The following RIMS3 variants were observed in gnomAD, a reference collection of about 807,000 sequenced individuals.
RIMS3 encodes regulating synaptic membrane exocytosis 3, also known as regulating synaptic membrane exocytosis protein 3.
In RIMS3, 15 loss-of-function variants were observed where a neutral mutation model predicts 29.2. The observed-to-expected ratio is 0.51, with a 90% CI of 0.34 to 0.79. RIMS3 has a LOEUF of 0.79. Among genes scored for constraint, RIMS3 ranks in the 30% least tolerant of loss-of-function variants. The pLI is 0.01. For missense variants in RIMS3, 342 were observed against 421.4 expected (o/e 0.81, Z 1.65); for synonymous variants, 161 against 170.1 (o/e 0.95, Z 0.41).
At chr1:40,633,305 C>A in intron 4 of RIMS3, 124 bp from the exon 5 acceptor site, 1 of 669,360 alleles carries the variant, frequency 1.5e-6, no homozygotes, top group Non-Finnish European at 2.7e-6. Flanking sequence ...CTCAGTTTCT[C>A]CTCTAAACAG....
intron 1 of RIMS3, among the ~76,000 whole-genome samples, chr1:40,649,531 A>G (rs1646617455): frequency 6.6e-6 from 1 of 152,214 alleles, no homozygotes; most frequent in Admixed American, 6.5e-5. Context: ...TCCCTTGGCT[A>G]AGGCACACAC....
Position 40,626,168 on chromosome 1 carries a change from C to A in RIMS3, c.*349G>T. On this transcript the variant is annotated 3_prime_UTR_variant, in exon 8 of 8. Coordinates refer to ENST00000372684, the MANE Select transcript of RIMS3 (RefSeq NM_014747.3). ...ACCGACCAGTGGCCGCATGCCCCAC[C>A]TCCATCCCTGGAGACTCCTCAGGGT... 5.4e-6 allele frequency: 2 copies of A among 367,978 alleles called. No individual in the cohort carries two copies. Among genetic ancestry groups the A allele is most frequent in the South Asian group, 5.0e-5 (2 of 40,246 alleles). The allele number at this position is 367,978 out of a possible 1,614,324, so 22.8% of individuals were successfully genotyped here.
At chr1:40,682,741 C>CTTTTTTTTTTTTTTTTTTTTTGTTT in the RIMS3 span, among the ~76,000 whole-genome samples, 1 of 77,514 alleles carries the variant, frequency 1.3e-5, no homozygotes, top group Non-Finnish European at 2.5e-5. Context: ...CTTTGCAGAT[C>CTTTTTTTTTTTTTTTTTTTTTGTTT]TTTTTTTTTT....
intron 1 of RIMS3, among the ~76,000 whole-genome samples, chr1:40,652,212 G>A (rs567401442): frequency 4.5e-4 from 69 of 152,284 alleles, no homozygotes; most frequent in Admixed American, 3.1e-3. Flanking sequence ...CCTGGCCAAA[G>A]GTGACTCCCC....
chr1:40,682,690 T>C, the RIMS3 span, among the ~76,000 whole-genome samples: 2 of 150,472 alleles, frequency 1.3e-5, no homozygotes, highest in East Asian at 3.9e-4. Flanking sequence ...CTTAATTCAC[T>C]CATAGTCCCT....
In RIMS3 at chr1:40,625,299, C is replaced by A. The variant is rs534743675; in HGVS notation, c.*1218G>T. On this transcript the variant is annotated 3_prime_UTR_variant, in exon 8 of 8. Transcript: ENST00000372684. ...TGGGGCACAGGAAAGCAGGGAAGCC[C>A]GGAGGGGTAAGTATTGCTTAGACAG... 1 of 152,948 alleles carries A rather than the reference C, an allele frequency of 6.5e-6. No homozygotes were observed. Among genetic ancestry groups the A allele is most frequent in the African/African-American group, 2.4e-5 (1 of 41,528 alleles). 9.5% of individuals were successfully genotyped at this position (152,948 alleles called of 1,614,324 possible).
At chr1:40,680,113 TAGTG>T in the RIMS3 span, among the ~76,000 whole-genome samples, 46 of 151,752 alleles carry the variant, frequency 3.0e-4, no homozygotes, top group South Asian at 6.3e-4. Flanking sequence ...CTGGGCAACA[TAGTG>T]AGACCCTGTC....
chr1:40,689,528 C>T, the RIMS3 span, among the ~76,000 whole-genome samples: 4 of 152,154 alleles, frequency 2.6e-5, no homozygotes, highest in Non-Finnish European at 4.4e-5. Context: ...CATCCACCCA[C>T]CTCGGCCTCC....
the RIMS3 span, among the ~76,000 whole-genome samples, chr1:40,679,345 T>C: frequency 3.9e-5 from 6 of 152,340 alleles, no homozygotes; most frequent in Non-Finnish European, 8.8e-5. Flanking sequence ...TGACCAAATA[T>C]GACAGGAAGC....
In RIMS3 at chr1:40,623,238, G is replaced by A; in HGVS notation, c.*3279C>T. The A allele has an allele frequency of 2.5e-6, 1 of 395,790 alleles. No individual in the cohort carries two copies. 24.5% of individuals were successfully genotyped at this position (395,790 alleles called of 1,614,324 possible). The stretch of plus-strand genomic sequence containing the variant: ...TTCCTAGTAGAATTGGGTGGTAGAA[G>A]AAACCAGATGGGGAGTCATTTTGGA... On this transcript the variant is annotated 3_prime_UTR_variant, in exon 8 of 8. Coordinates refer to ENST00000372684, the MANE Select transcript of RIMS3 (RefSeq NM_014747.3).
Position 40,633,175 on chromosome 1 carries a change from G to T in RIMS3, c.366C>A (p.Ile122=). The change falls in exon 5 of 8, where the codon ATC becomes ATA. Residue 122 remains isoleucine, a synonymous_variant. Coordinates refer to ENST00000372684, the MANE Select transcript of RIMS3 (RefSeq NM_014747.3). The part of the protein sequence containing the change: ...TNSNSSDGTF[I]FPTTRLGAES... ...CAGCCCCTAGCCGGGTAGTGGGGAA[G>T]ATGAACCTGCAGGAGGAGGCAGAGG... The T allele has an allele frequency of 6.2e-7, 1 of 1,613,872 alleles. No individual in the cohort carries two copies. The highest frequency in any genetic ancestry group is 1.1e-5 in the South Asian group (1 of 91,068).
At chr1:40,678,801 G>T in the RIMS3 span, among the ~76,000 whole-genome samples, 3 of 152,236 alleles carry the variant, frequency 2.0e-5, no homozygotes, top group Admixed American at 2.0e-4. Context: ...TGGGAAGTTA[G>T]TAATTGCAGT....
At chr1:40,687,963 G>C in the RIMS3 span, among the ~76,000 whole-genome samples, 1 of 151,992 alleles carries the variant, frequency 6.6e-6, no homozygotes, top group Non-Finnish European at 1.5e-5. Flanking sequence ...ATATCTTTTA[G>C]TGCCGCTTTT....
Position 40,626,383 on chromosome 1 carries a change from G to T in RIMS3, c.*134C>A. On this transcript the variant is annotated 3_prime_UTR_variant, in exon 8 of 8. Transcript: ENST00000372684. The stretch of plus-strand genomic sequence containing the variant: ...ACACTACAGTCTCCACTGCCAGCTG[G>T]GATGAGCCCAGTAGCCAACAGGCAT... 1.2e-6 allele frequency: 1 copy of T among 817,478 alleles called. No homozygotes were observed. Among genetic ancestry groups the T allele is most frequent in the Non-Finnish European group, 2.0e-6 (1 of 492,430 alleles). The allele number at this position is 817,478 out of a possible 1,614,324, so 50.6% of individuals were successfully genotyped here.
intron 2 of RIMS3, 77 bp from the exon 3 acceptor site, chr1:40,642,033 G>T: frequency 1.1e-6 from 1 of 895,770 alleles, no homozygotes; most frequent in Non-Finnish European, 1.8e-6. Context: ...CTTCCTAGCT[G>T]CGTGACCTTG....
intron 1 of RIMS3, among the ~76,000 whole-genome samples, chr1:40,662,839 C>T (rs541588296): frequency 6.6e-5 from 10 of 152,326 alleles, no homozygotes; most frequent in African/African-American, 2.2e-4. Context: ...GAGACTGAGA[C>T]TTGGTAGTTG....
chr1:40,653,477 C>T (rs1391890420), intron 1 of RIMS3, among the ~76,000 whole-genome samples: 1 of 152,154 alleles, frequency 6.6e-6, no homozygotes, highest in Non-Finnish European at 1.5e-5. Flanking sequence ...GCTAGGGCGG[C>T]ACCCTGACTC....
At position 40,626,526 on chromosome 1, in the gene RIMS3, T is replaced by G. The variant is rs1646455332; in HGVS notation, c.918A>C (p.Ser306=). ...CCTCTTCCTGACATCCTTAAGAGCA[T>G]GAGGGGCTGGTGGCACTCTCCAGGG... is the stretch of plus-strand genomic sequence containing the variant. The part of the protein sequence containing the change: ...QSSLESATSP[S]CS Residue 306 remains serine (S), a synonymous_variant, in exon 8 of 8, where the codon TCA becomes TCC. Coordinates refer to ENST00000372684, the MANE Select transcript of RIMS3 (RefSeq NM_014747.3). The G allele has an allele frequency of 6.2e-7, 1 of 1,606,866 alleles. No homozygotes were observed. The highest frequency in any genetic ancestry group is 8.5e-7 in the Non-Finnish European group (1 of 1,176,672).
At chr1:40,664,137 A>C (rs1046006757) in intron 1 of RIMS3, among the ~76,000 whole-genome samples, 2 of 152,150 alleles carry the variant, frequency 1.3e-5, no homozygotes, top group African/African-American at 4.8e-5. Context: ...AGTCAGGAAC[A>C]GAAGGCAGGG....
Sources: allele counts gnomAD v4.1 joint callset (sites outside exome capture counted in the v4.1 genomes callset), GRCh38; gene constraint gnomAD v4.1.1; transcripts MANE v1.5; gene names NCBI Gene and HGNC (gene_info 2026-07-23, HGNC 2026-07-21).